VWC2: variants seen among roughly 807,000 people sequenced by gnomAD.
VWC2 encodes the protein von Willebrand factor C domain containing 2, also known as brorin.
In VWC2, 14 loss-of-function variants were observed where a neutral mutation model predicts 29.8. The observed-to-expected ratio is 0.47, with a 90% confidence interval of 0.31 to 0.74. The LOEUF is 0.74. Among genes scored for constraint, VWC2 ranks in the 30% least tolerant of loss-of-function variants. The probability of loss-of-function intolerance (pLI) is 0.05; values close to 1 mark genes in which losing one functional copy is unlikely to be tolerated. For missense variants in VWC2, 457 were observed against 459.8 expected, an observed-to-expected ratio of 0.99 and a Z score of 0.05; for synonymous variants, 213 against 199.0, an observed-to-expected ratio of 1.07 and a Z score of -0.59.
At chr7:49,869,941 G>A (rs1192668101) in intron 3 of VWC2, among the ~76,000 whole-genome samples, 1 of 152,086 alleles carries the variant, frequency 6.6e-6, no homozygotes, top group Non-Finnish European at 1.5e-5. Context: ...ATATATAGAA[G>A]ATGTGGTTGT....
chr7:49,850,118 G>A (rs1790117694), intron 3 of VWC2, among the ~76,000 whole-genome samples: 2 of 152,156 alleles, frequency 1.3e-5, no homozygotes. Context: ...CACATAGCAT[G>A]GTGCTGCAGG....
chr7:49,789,319 A>AGG (rs1788408930), intron 2 of VWC2, among the ~76,000 whole-genome samples: 2 of 62,588 alleles, frequency 3.2e-5, no homozygotes, highest in Admixed American at 1.7e-4. Context: ...GTGTGGGTGT[A>AGG]GGTGTGTGTG....
intron 3 of VWC2, among the ~76,000 whole-genome samples, chr7:49,835,686 G>A (rs1407126045): frequency 6.6e-6 from 1 of 152,194 alleles, no homozygotes; most frequent in African/African-American, 2.4e-5. Context: ...TGAAAAAGTG[G>A]TGTGGCAATT....
chr7:49,901,363 G>A (rs956321042), intron 3 of VWC2: 1 of 151,780 alleles, frequency 6.6e-6, no homozygotes. Flanking sequence ...AAGCAAGATT[G>A]CAGTGTACAA....
intron 1 of VWC2, among the ~76,000 whole-genome samples, 160 bp from the exon 2 acceptor site, chr7:49,775,173 G>A (rs1788022221): frequency 6.6e-6 from 1 of 152,316 alleles, no homozygotes; most frequent in African/African-American, 2.4e-5. Flanking sequence ...AGTTTGTGAT[G>A]TCTAAGAACC....
At chr7:49,847,757 G>A (rs1305446641) in intron 3 of VWC2, among the ~76,000 whole-genome samples, 2 of 152,170 alleles carry the variant, frequency 1.3e-5, no homozygotes, top group East Asian at 3.9e-4. Flanking sequence ...TCAGCAGACT[G>A]TGAGCACAGG....
intron 3 of VWC2, among the ~76,000 whole-genome samples, chr7:49,834,834 C>T (rs534665509): frequency 6.6e-6 from 1 of 152,106 alleles, no homozygotes; most frequent in East Asian, 1.9e-4. Flanking sequence ...GCTGTAAATG[C>T]TTGTGAGTCA....
intron 3 of VWC2, among the ~76,000 whole-genome samples, chr7:49,855,176 T>G (rs1300957150): frequency 1.3e-5 from 2 of 152,248 alleles, no homozygotes; most frequent in East Asian, 1.9e-4. Flanking sequence ...AATTATCATA[T>G]TTCTTAGTTC....
intron 2 of VWC2, among the ~76,000 whole-genome samples, chr7:49,790,556 T>TCACTACTTCCA (rs1233921209): frequency 1.5e-4 from 23 of 152,174 alleles, no homozygotes; most frequent in Non-Finnish European, 7.3e-5. Context: ...GAAGGTAGCT[T>TCACTACTTCCA]GTGGATCAAC....
At chr7:49,839,830 G>A (rs191036149) in intron 3 of VWC2, among the ~76,000 whole-genome samples, 151 of 152,318 alleles carry the variant, frequency 9.9e-4, no homozygotes, top group Middle Eastern at 6.8e-3. Flanking sequence ...GTTTCAAATC[G>A]TGACGTCCCA....
intron 3 of VWC2, among the ~76,000 whole-genome samples, chr7:49,806,181 A>T (rs1788875470): frequency 6.6e-6 from 1 of 151,948 alleles, no homozygotes; most frequent in Non-Finnish European, 1.5e-5. Flanking sequence ...CACAGCACCC[A>T]TTCCGATCAA....
Position 49,914,745 on chromosome 7 carries a change from A to T in VWC2, c.*2560A>T, listed in dbSNP as rs1793628522. 2 of 152,208 alleles carry T rather than the reference A, an allele frequency of 1.3e-5. No individual in the cohort carries two copies. Among genetic ancestry groups the T allele is most frequent in the African/African-American group, 2.4e-5 (1 of 41,456 alleles). The allele number at this position is 152,208 out of a possible 1,614,324, so 9.4% of individuals were successfully genotyped here. A position where few individuals can be genotyped will look rare whatever the true frequency, so the allele number is the denominator to read the frequency against. On this transcript the variant is annotated 3_prime_UTR_variant, in exon 4 of 4. Transcript: ENST00000340652. Reference sequence around the variant, plus strand: ...CTCTTTGCTGAGATTGTCAACAACAAACTGTTCTATTCAATAAATAACCTG... The same window carrying T: ...CTCTTTGCTGAGATTGTCAACAACATACTGTTCTATTCAATAAATAACCTG...
rs536880676 is a variant in VWC2 at position 49,892,031 on chromosome 7, A to ATTTT, written c.827-19975_827-19972dup. ...GCAGTTGGCAGAACAGACAAAGTAG[A>ATTTT]TTTTTTTTTTTTTTTTTTTTTTTTT... is the stretch of plus-strand genomic sequence containing the variant. On this transcript the variant is annotated intron_variant, in intron 3 of 3. Coordinates refer to ENST00000340652, the MANE Select transcript of VWC2 (RefSeq NM_198570.5). 2.3e-4 allele frequency among the ~76,000 whole-genome samples: 12 copies of ATTTT among 53,288 alleles called. 1 individual carries two copies. The highest frequency in any genetic ancestry group is 2.7e-4 in the Non-Finnish European group (8 of 29,922). The allele number at this position is 53,288 out of a possible 152,430, so 35.0% of individuals were successfully genotyped here.
chr7:49,791,951 G>T (rs1286965904), intron 2 of VWC2, among the ~76,000 whole-genome samples: 3 of 152,170 alleles, frequency 2.0e-5, no homozygotes, highest in African/African-American at 7.2e-5. Flanking sequence ...ACTTACTTGT[G>T]TCTGCTCTCT....
chr7:49,874,302 T>C (rs901334310), intron 3 of VWC2, among the ~76,000 whole-genome samples: 3 of 152,224 alleles, frequency 2.0e-5, no homozygotes, highest in Non-Finnish European at 4.4e-5. Context: ...TTTCTATGGT[T>C]AGATATGTTT....
intron 3 of VWC2, among the ~76,000 whole-genome samples, chr7:49,844,914 C>T (rs932859318): frequency 6.6e-6 from 1 of 152,066 alleles, no homozygotes; most frequent in African/African-American, 2.4e-5. Flanking sequence ...AACTCCTGAC[C>T]CCAGGTGATC....
At chr7:49,812,816 G>A (rs1036469642) in intron 3 of VWC2, among the ~76,000 whole-genome samples, 2 of 152,150 alleles carry the variant, frequency 1.3e-5, no homozygotes, top group African/African-American at 4.8e-5. Context: ...TTGAAGCTCA[G>A]CTGTTTGTGA....
At chr7:49,835,922 G>A (rs942605006) in intron 3 of VWC2, among the ~76,000 whole-genome samples, 5 of 151,938 alleles carry the variant, frequency 3.3e-5, no homozygotes, top group African/African-American at 9.7e-5. Context: ...ATGGTATCAC[G>A]ACTAAATTTC....
At chr7:49,789,170 TGTTAGCA>T in intron 2 of VWC2, among the ~76,000 whole-genome samples, 1 of 148,828 alleles carries the variant, frequency 6.7e-6, no homozygotes, top group African/African-American at 2.5e-5. Flanking sequence ...TGTATGTGTG[TGTTAGCA>T]TGTGTGTGGG....
Sources: allele counts gnomAD v4.1 joint callset (sites outside exome capture counted in the v4.1 genomes callset), GRCh38; gene constraint gnomAD v4.1.1; transcripts MANE v1.5; gene names NCBI Gene and HGNC (gene_info 2026-07-23, HGNC 2026-07-21).